PATJ: variants seen among roughly 807,000 people sequenced by gnomAD.
PATJ encodes the protein PATJ crumbs cell polarity complex component, also known as inaD-like protein.
In PATJ, 190 loss-of-function variants were observed where a neutral mutation model predicts 224.9. The observed-to-expected ratio is 0.84, with a 90% CI of 0.75 to 0.95. The LOEUF (loss-of-function observed/expected upper bound fraction) is 0.95. PATJ is among the 40% of genes least tolerant of loss of function. The pLI is 0.00. For synonymous variants in PATJ, 769 were observed against 820.3 expected (o/e 0.94, Z 1.07); for missense variants, 2,121 against 2,270.3 (o/e 0.93, Z 1.34).
At position 62,075,460 on chromosome 1, in the gene PATJ, A is replaced by G. The variant is rs1658129228; in HGVS notation, c.4126-3990A>G. Among the ~76,000 whole-genome samples, 4 of 152,356 alleles carry G rather than the reference A, an allele frequency of 2.6e-5. No individual in the cohort carries two copies. The South Asian group carries it at 6.2e-4, about 24-fold the overall frequency. On this transcript the variant is annotated intron_variant, in intron 31 of 43. Transcript: ENST00000642238. ...TTAATTTTTACAACAACCTTGCAAG[A>G]TATAGATGTATCACCAATTTATAGA...
chr1:61,996,933 G>T (rs1224747301), intron 28 of PATJ, among the ~76,000 whole-genome samples: 1 of 151,554 alleles, frequency 6.6e-6, no homozygotes, highest in Non-Finnish European at 1.5e-5. Flanking sequence ...GTGGAGACGG[G>T]GTGTCACCAT....
At chr1:61,974,405 C>CTTTTTTTT (rs149825131) in intron 27 of PATJ, among the ~76,000 whole-genome samples, 23 of 64,262 alleles carry the variant, frequency 3.6e-4, no homozygotes, top group South Asian at 8.3e-4. Context: ...CTCTCTCTCT[C>CTTTTTTTT]TTTTTTTTTT....
At chr1:62,010,341 T>C (rs913180305) in intron 28 of PATJ, among the ~76,000 whole-genome samples, 1 of 152,070 alleles carries the variant, frequency 6.6e-6, no homozygotes, top group Non-Finnish European at 1.5e-5. Context: ...ATTTTTTTTT[T>C]TGTAGCCACA....
chr1:61,889,253 T>C (rs1190149726), intron 22 of PATJ, among the ~76,000 whole-genome samples: 1 of 152,208 alleles, frequency 6.6e-6, no homozygotes, highest in Non-Finnish European at 1.5e-5. Context: ...TATCTAATGA[T>C]TGTGATGTTT....
intron 37 of PATJ, among the ~76,000 whole-genome samples, chr1:62,119,476 G>A (rs1490973914): frequency 1.3e-5 from 2 of 152,190 alleles, no homozygotes; most frequent in Admixed American, 6.5e-5. Flanking sequence ...CATAGAAAGT[G>A]AGTTCATTAA....
At chr1:61,947,151 C>T (rs1376685623) in intron 27 of PATJ, among the ~76,000 whole-genome samples, 1 of 152,164 alleles carries the variant, frequency 6.6e-6, no homozygotes, top group Non-Finnish European at 1.5e-5. Context: ...CCTTTGAAAA[C>T]TGGCACAAGA....
chr1:61,772,022 C>T lies in PATJ; in HGVS notation c.720+396C>T, dbSNP rs111274350. On this transcript the variant is annotated intron_variant, in intron 6 of 43. Transcript: ENST00000642238. ...CAGGCATGAGCCACTGTGCCTGGCCCGTTTTACTTTTCATGGTTAAAAAAG... is the reference window on the plus strand; with the variant it reads ...CAGGCATGAGCCACTGTGCCTGGCCTGTTTTACTTTTCATGGTTAAAAAAG... Among the ~76,000 whole-genome samples, 840 of 151,130 alleles carry T rather than the reference C, an allele frequency of 5.6e-3. 9 individuals are homozygous for T. The highest frequency in any genetic ancestry group is 0.019 in the African/African-American group (795 of 41,236).
intron 20 of PATJ, among the ~76,000 whole-genome samples, chr1:61,871,408 T>TACAC: frequency 1.5e-5 from 2 of 134,422 alleles, no homozygotes; most frequent in Non-Finnish European, 3.1e-5. Flanking sequence ...TATGTGTATA[T>TACAC]ATATACATAT....
chr1:61,880,484 A>G (rs1667941635), intron 21 of PATJ, among the ~76,000 whole-genome samples: 1 of 152,240 alleles, frequency 6.6e-6, no homozygotes, highest in African/African-American at 2.4e-5. Flanking sequence ...ATTTGATGGG[A>G]AACAAAACAA....
intron 5 of PATJ, among the ~76,000 whole-genome samples, chr1:61,770,792 C>T (rs1208315595): frequency 6.6e-6 from 1 of 151,690 alleles, no homozygotes; most frequent in Non-Finnish European, 1.5e-5. Context: ...TACCTGTAGT[C>T]TCAGCTACTC....
Position 62,084,568 on chromosome 1 carries a change from G to C in PATJ, c.4297G>C (p.Gly1433Arg). Residue 1433 changes from glycine to arginine, a missense_variant, in exon 33 of 44, where the codon GGA (glycine) becomes CGA (arginine). Transcript: ENST00000642238. Reference sequence around the variant, plus strand: ...CCCCGCAACGTGTCCCATTGTCCCTGGACAGGAAATGATTATAGAAATATC... The same window carrying C: ...CCCCGCAACGTGTCCCATTGTCCCTCGACAGGAAATGATTATAGAAATATC... The part of the protein sequence containing the change: ...VDPATCPIVP[G>R]QEMIIEISKG... 6.2e-7 allele frequency: 1 copy of C among 1,613,298 alleles called. No individual in the cohort carries two copies.
In PATJ at chr1:62,086,893, G is replaced by C. The variant is rs1268232821; in HGVS notation, c.4377+2245G>C. On this transcript the variant is annotated intron_variant, in intron 33 of 43. Transcript: ENST00000642238. This position sits in a 1 kb window ranked among gnomAD's most constrained non-coding sequence, Gnocchi z 4.0. ...GAGCAGGCTCTGTGGGGTCCCCTCG[G>C]CCAGACCAGGTAGGGGTGCCTGCGA... Among the ~76,000 whole-genome samples the C allele has an allele frequency of 6.6e-6, 1 of 152,124 alleles. No individual in the cohort carries two copies. Among genetic ancestry groups the C allele is most frequent in the Non-Finnish European group, 1.5e-5 (1 of 68,014 alleles).
intron 27 of PATJ, among the ~76,000 whole-genome samples, chr1:61,959,204 A>T (rs1680869139): frequency 6.6e-6 from 1 of 152,034 alleles, no homozygotes; most frequent in South Asian, 2.1e-4. Flanking sequence ...GGCCAGCTAG[A>T]CCTTTATAGT....
At chr1:61,809,880 C>T (rs1031892817) in intron 14 of PATJ, among the ~76,000 whole-genome samples, 1 of 134,514 alleles carries the variant, frequency 7.4e-6, no homozygotes, top group African/African-American at 2.7e-5. Flanking sequence ...GAGTCTTGCT[C>T]TGTCGCCCAG....
intron 27 of PATJ, among the ~76,000 whole-genome samples, chr1:61,959,417 T>TA (rs1483299480): frequency 1.3e-4 from 11 of 87,150 alleles, no homozygotes; most frequent in African/African-American, 3.8e-4. Context: ...ATATTATATA[T>TA]ATAATATATT....
chr1:61,930,786 C>T (rs1384459957), intron 27 of PATJ, among the ~76,000 whole-genome samples: 1 of 152,156 alleles, frequency 6.6e-6, no homozygotes, highest in Non-Finnish European at 1.5e-5. Context: ...CAGCTCACTG[C>T]ATCGTCTGCC....
chr1:61,975,605 G>A (rs958622818), intron 27 of PATJ, among the ~76,000 whole-genome samples: 34 of 151,878 alleles, frequency 2.2e-4, no homozygotes, highest in African/African-American at 7.0e-4. Context: ...CCTCCTAAAT[G>A]GTCAGCTTTC....
In PATJ at chr1:61,794,451, C is replaced by T. The variant is rs556592864; in HGVS notation, c.1169-1016C>T. On this transcript the variant is annotated intron_variant, in intron 9 of 43. Transcript: ENST00000642238. ...TGAACAACTACACCTGGCCTACAAA[C>T]AATGTTTTGAGTTTATTTGGAAATA... Among the ~76,000 whole-genome samples, 9 of 152,184 alleles carry T rather than the reference C, an allele frequency of 5.9e-5. No homozygotes were observed. In the East Asian group the frequency reaches 1.7e-3, roughly 29 times the overall value.
At chr1:61,953,436 C>G (rs950552081) in intron 27 of PATJ, among the ~76,000 whole-genome samples, 2 of 152,178 alleles carry the variant, frequency 1.3e-5, no homozygotes, top group African/African-American at 4.8e-5. Context: ...AACTATTGAG[C>G]AAGAACTTTT....
Sources: gnomAD v4.1 joint callset for allele counts (sites outside exome capture counted in the v4.1 genomes callset) on GRCh38, gnomAD v4.1.1 for gene constraint, Gnocchi (gnomAD v3.1) non-coding constraint, MANE v1.5 for transcripts, NCBI Gene and HGNC (gene_info 2026-07-23, HGNC 2026-07-21) for gene names.